The following UGT2B10 variants were observed in gnomAD, a reference collection of about 807,000 sequenced individuals.
The protein encoded by UGT2B10 is UDP-glucuronosyltransferase 2B10.
UGT2B10 carries 51 observed loss-of-function variants against 43.7 expected under a neutral mutation model. The ratio of observed to expected loss-of-function variants is 1.17; its 90% CI spans 0.93 to 1.47. The LOEUF is 1.47. Among genes scored for constraint, UGT2B10 ranks in the 40% most tolerant of loss-of-function variants. The pLI is 0.00. For missense variants in UGT2B10, 696 were observed against 617.7 expected (o/e 1.13, Z -1.34); for synonymous variants, 225 against 209.0 (o/e 1.08, Z -0.66).
intron 5 of UGT2B10, among the ~76,000 whole-genome samples, chr4:68,828,702 C>T (rs1301806711): frequency 6.6e-6 from 1 of 151,940 alleles, no homozygotes; most frequent in East Asian, 1.9e-4. Context: ...GATATACACA[C>T]ATGTACATAT....
intron 3 of UGT2B10, among the ~76,000 whole-genome samples, chr4:68,824,324 C>G (rs1316628321): frequency 6.6e-6 from 1 of 152,178 alleles, no homozygotes; most frequent in African/African-American, 2.4e-5. Flanking sequence ...GGAAAAGGTG[C>G]AGATGGATCC....
At position 68,818,027 on chromosome 4, in the gene UGT2B10, A is replaced by G. The variant is rs776335930; in HGVS notation, c.719-2A>G. ...ACTTCTTCTTTTCTTTATTCCTATC[A>G]GGAAGACCCACTACATTATCTGAGA... On this transcript the variant is annotated splice_acceptor_variant, in intron 1 of 5. Transcript: ENST00000265403. LOFTEE classifies it high-confidence loss of function. The G allele has an allele frequency of 6.2e-7, 1 of 1,604,388 alleles. No individual in the cohort carries two copies. The highest frequency in any genetic ancestry group is 1.7e-5 in the Admixed American group (1 of 57,854).
chr4:68,817,062 A>G (rs1443131549), intron 1 of UGT2B10, among the ~76,000 whole-genome samples: 5 of 151,834 alleles, frequency 3.3e-5, no homozygotes, highest in Non-Finnish European at 7.4e-5. Context: ...TCCGTCAAGT[A>G]ACATCTAACC....
intron 2 of UGT2B10, among the ~76,000 whole-genome samples, chr4:68,821,257 T>C (rs7676146): frequency 0.068 from 10,391 of 152,254 alleles, 389 homozygotes; most frequent in Non-Finnish European, 0.093. Flanking sequence ...TGGCATACAT[T>C]GGGGAACTCA....
chr4:68,827,266 C>A (rs186422992), intron 4 of UGT2B10, 63 bp from the exon 5 acceptor site: 5 of 1,609,122 alleles, frequency 3.1e-6, no homozygotes, highest in Non-Finnish European at 2.5e-6. Flanking sequence ...ACTTTCAGAG[C>A]CTTTCATTGT....
In UGT2B10 at chr4:68,817,255, A is replaced by G. The variant is rs373474765; in HGVS notation, c.718+518A>G. Among the ~76,000 whole-genome samples, 172 of 151,860 alleles carry G rather than the reference A, an allele frequency of 1.1e-3. 1 individual carries two copies. The highest frequency in any genetic ancestry group is 7.4e-4 in the Non-Finnish European group (50 of 67,808). On this transcript the variant is annotated intron_variant, in intron 1 of 5. Coordinates refer to ENST00000265403, the MANE Select transcript of UGT2B10 (RefSeq NM_001075.6). Reference sequence around the variant, plus strand: ...CTATATCTCAGATGCAAAAATCAATAAGGGTAATTTGAAGTTTCAAATGTT... The same window carrying G: ...CTATATCTCAGATGCAAAAATCAATGAGGGTAATTTGAAGTTTCAAATGTT...
At chr4:68,824,974 G>A (rs145815572) in intron 3 of UGT2B10, among the ~76,000 whole-genome samples, 3,386 of 152,122 alleles carry the variant, frequency 0.022, 60 homozygotes, top group Middle Eastern at 0.062. Flanking sequence ...AATTTTTCTT[G>A]GAAGTAGTGC....
intron 2 of UGT2B10, among the ~76,000 whole-genome samples, chr4:68,820,209 T>C (rs1737424659): frequency 6.6e-6 from 1 of 152,080 alleles, no homozygotes; most frequent in Non-Finnish European, 1.5e-5. Context: ...TAGCTCTTGT[T>C]ATTAACTTGC....
chr4:68,826,262 T>A, intron 3 of UGT2B10, 148 bp from the exon 4 acceptor site: 1 of 836,322 alleles, frequency 1.2e-6, no homozygotes, highest in Non-Finnish European at 1.8e-6. Flanking sequence ...GTTCAGAAAA[T>A]AAAATGTGGT....
chr4:68,823,160 C>T (rs976573797), intron 3 of UGT2B10, among the ~76,000 whole-genome samples: 4 of 151,970 alleles, frequency 2.6e-5, no homozygotes, highest in Admixed American at 2.6e-4. Flanking sequence ...TAATAACTGG[C>T]ATATGTGGAG....
In UGT2B10 at chr4:68,816,061, T is replaced by A; in HGVS notation, c.42T>A (p.Ser14Arg). Reference sequence around the variant, plus strand: ...CTACAGTTCTGCTGATACAACTCAGTTTTTACTTTAGCTCTGGGAGTTGTG... The same window carrying A: ...CTACAGTTCTGCTGATACAACTCAGATTTTACTTTAGCTCTGGGAGTTGTG... ...KWTTVLLIQL[S>R]FYFSSGSCGK... Residue 14 changes from serine to arginine, a missense_variant, in exon 1 of 6, where the codon AGT becomes AGA. Transcript: ENST00000265403. 1 of 1,612,952 alleles carries A rather than the reference T, an allele frequency of 6.2e-7. No individual in the cohort carries two copies. Among genetic ancestry groups the A allele is most frequent in the South Asian group, 1.1e-5 (1 of 91,044 alleles).
chr4:68,820,922 C>T (rs1737460801), intron 2 of UGT2B10, among the ~76,000 whole-genome samples: 1 of 152,044 alleles, frequency 6.6e-6, no homozygotes, highest in South Asian at 2.1e-4. Context: ...AATCTCTACA[C>T]AGAGGTTAGA....
At chr4:68,823,304 G>A (rs976438183) in intron 3 of UGT2B10, among the ~76,000 whole-genome samples, 13 of 151,956 alleles carry the variant, frequency 8.6e-5, no homozygotes, top group Non-Finnish European at 1.5e-4. Flanking sequence ...TCAGGAGATC[G>A]AGATCACCCT....
intron 2 of UGT2B10, among the ~76,000 whole-genome samples, chr4:68,820,358 T>A (rs1329507133): frequency 6.6e-6 from 1 of 152,082 alleles, no homozygotes; most frequent in Non-Finnish European, 1.5e-5. Context: ...TTTAAGAGAA[T>A]AAGACACTTG....
chr4:68,825,893 T>C (rs1294159741), intron 3 of UGT2B10, among the ~76,000 whole-genome samples: 1 of 152,236 alleles, frequency 6.6e-6, no homozygotes, highest in East Asian at 1.9e-4. Flanking sequence ...TTTTTGCCTC[T>C]AGGTTTTTGA....
Position 68,830,799 on chromosome 4 carries a change from G to A in UGT2B10, c.1507G>A (p.Val503Met). The change falls in exon 6 of 6, where the codon GTG becomes ATG. Residue 503 changes from valine (V) to methionine (M), a missense_variant. Coordinates refer to ENST00000265403, the MANE Select transcript of UGT2B10 (RefSeq NM_001075.6). ...IGFLLACVAT[V>M]LFIITKCCLF... is the part of the protein sequence containing the mutation. ...GTTCCTGCTGGCTTGTGTGGCAACCGTGCTATTTATCATCACAAAGTGTTG... is the reference window on the plus strand; with the variant it reads ...GTTCCTGCTGGCTTGTGTGGCAACCATGCTATTTATCATCACAAAGTGTTG... The A allele has an allele frequency of 2.5e-6, 4 of 1,613,232 alleles. No homozygotes were observed. The highest frequency in any genetic ancestry group is 1.7e-4 in the Middle Eastern group (1 of 6,050).
intron 2 of UGT2B10, among the ~76,000 whole-genome samples, chr4:68,819,505 C>T (rs1435418603): frequency 6.6e-6 from 1 of 151,318 alleles, no homozygotes; most frequent in Non-Finnish European, 1.5e-5. Flanking sequence ...TATGTGCAGA[C>T]AAACACAGGG....
At chr4:68,819,787 G>A (rs369271849) in intron 2 of UGT2B10, among the ~76,000 whole-genome samples, 7 of 151,994 alleles carry the variant, frequency 4.6e-5, no homozygotes, top group East Asian at 1.9e-4. Context: ...AAAAAATTCC[G>A]TCAGCATATA....
Position 68,826,282 on chromosome 4 carries a change from T to C in UGT2B10, c.1000-128T>C, listed in dbSNP as rs542819014. The stretch of plus-strand genomic sequence containing the variant: ...GAAAATAAAATGTGGTTATTCTTTT[T>C]GCATCAGTCTTTGAGTAGATTTATT... On this transcript the variant is annotated intron_variant, in intron 3 of 5. Transcript: ENST00000265403. The C allele has an allele frequency of 7.2e-6, 7 of 978,534 alleles. No individual in the cohort carries two copies. In the East Asian group the frequency reaches 1.6e-4, roughly 23 times the overall value. 60.6% of individuals were successfully genotyped at this position (978,534 alleles called of 1,614,324 possible). A position where few individuals can be genotyped will look rare whatever the true frequency, so the allele number is the denominator to read the frequency against.
Sources: allele counts gnomAD v4.1 joint callset (sites outside exome capture counted in the v4.1 genomes callset), GRCh38; gene constraint gnomAD v4.1.1; transcripts MANE v1.5; gene names NCBI Gene and HGNC (gene_info 2026-07-23, HGNC 2026-07-21).